Variants in ZMAT1 observed in about 807,000 individuals in gnomAD.
ZMAT1 encodes zinc finger matrin-type 1.
In ZMAT1, 11 loss-of-function variants were observed where a neutral mutation model predicts 18.5. The observed-to-expected ratio is 0.59, with a 90% confidence interval of 0.37 to 0.98. The LOEUF is 0.98. ZMAT1 is among the 50% of genes least tolerant of loss of function. The probability of loss-of-function intolerance (pLI) is 0.01; values close to 1 mark genes in which losing one functional copy is unlikely to be tolerated. For missense variants in ZMAT1, 525 were observed against 496.2 expected (o/e 1.06, Z -0.55); for synonymous variants, 211 against 176.4 (o/e 1.20, Z -1.55).
intron 5 of ZMAT1, among the ~76,000 whole-genome samples, chrX:101,885,057 C>A (rs977866010): frequency 1.8e-5 from 2 of 110,663 alleles, no homozygotes; most frequent in African/African-American, 6.6e-5. Context: ...TCTATGCCCC[C>A]CAAAAAGGAG....
chrX:101,884,731 T>C lies in ZMAT1; in HGVS notation c.867A>G (p.Lys289=), dbSNP rs768367195. ...NECADYINVQ[K]ARGLEAKTCF... ...AAGTCTTGGCCTCTAGTCCTCTGGCTTTCTGCACATTGATGTAATCTGCAC... is the reference window on the plus strand; with the variant it reads ...AAGTCTTGGCCTCTAGTCCTCTGGCCTTCTGCACATTGATGTAATCTGCAC... The change falls in exon 6 of 6, where the codon AAA becomes AAG. Residue 289 remains lysine (K), a synonymous_variant. Transcript: ENST00000651725. 8.3e-7 allele frequency: 1 copy of C among 1,210,685 alleles called. No individual in the cohort carries two copies. Among genetic ancestry groups the C allele is most frequent in the Non-Finnish European group, 1.1e-6 (1 of 894,621 alleles).
chrX:101,904,387 AT>A, intron 1 of ZMAT1, 57 bp from the exon 2 acceptor site: 1 of 891,702 alleles, frequency 1.1e-6, no homozygotes, highest in Non-Finnish European at 1.6e-6. Flanking sequence ...TAGAGGTATC[AT>A]TTTTCATTCC....
chrX:101,920,009 G>A (rs1251972790), intron 1 of ZMAT1, among the ~76,000 whole-genome samples: 2 of 106,385 alleles, frequency 1.9e-5, no homozygotes, highest in Non-Finnish European at 3.9e-5. Flanking sequence ...TTTAGAACTT[G>A]CTATGAATAC....
chrX:101,926,134 G>C (rs1930038704), intron 1 of ZMAT1, among the ~76,000 whole-genome samples: 1 of 112,016 alleles, frequency 8.9e-6, no homozygotes, highest in Admixed American at 9.5e-5. Context: ...TCTGGGAAGA[G>C]ACAATAGTAA....
rs778402801 is a variant in ZMAT1, at chrX:101,883,854, T to C, written c.1744A>G (p.Asn582Asp). ...CCTGCTTGATGGTCAGCAGTATTGTTTTCTGAAGAGAGGTGCTTGTAAACT... is the reference window on the plus strand; with the variant it reads ...CCTGCTTGATGGTCAGCAGTATTGTCTTCTGAAGAGAGGTGCTTGTAAACT... ...SEVYKHLSSE[N>D]NTADHQAGHK... The change falls in exon 6 of 6, where the codon AAC becomes GAC. Residue 582 changes from asparagine to aspartate, a missense_variant. Physicochemically the swap from Asn to Asp is conservative, Grantham distance 23. Coordinates refer to ENST00000651725, the MANE Select transcript of ZMAT1 (RefSeq NM_001394560.1). 8.3e-6 allele frequency: 10 copies of C among 1,208,428 alleles called. No homozygotes were observed. The highest frequency in any genetic ancestry group is 1.1e-5 in the Non-Finnish European group (10 of 894,716).
At chrX:101,902,824 C>G (rs939917244) in intron 2 of ZMAT1, among the ~76,000 whole-genome samples, 2 of 111,500 alleles carry the variant, frequency 1.8e-5, no homozygotes, top group Non-Finnish European at 3.8e-5. Flanking sequence ...TTAATAAATA[C>G]AACCTCATTA....
chrX:101,913,930 C>A (rs183232568), intron 1 of ZMAT1, among the ~76,000 whole-genome samples: 1 of 111,846 alleles, frequency 8.9e-6, no homozygotes, highest in East Asian at 2.8e-4. Context: ...CAAGAATAGA[C>A]CATATGTTAG....
Position 101,883,212 on chromosome X carries a change from G to A in ZMAT1, c.*298C>T, listed in dbSNP as rs879200657. The A allele has an allele frequency of 5.5e-6, 1 of 183,438 alleles. No homozygotes were observed. The highest frequency in any genetic ancestry group is 1.0e-4 in the East Asian group (1 of 9,830). 15.1% of individuals were successfully genotyped at this position (183,438 alleles called of 1,213,427 possible). A position where few individuals can be genotyped will look rare whatever the true frequency, so the allele number is the denominator to read the frequency against. ...AATCCTTGGGCAAACAAAACTAAAA[G>A]TTCAATACCCAAGAATAGACTCATT... is the stretch of plus-strand genomic sequence containing the variant. On this transcript the variant is annotated 3_prime_UTR_variant, in exon 6 of 6. Transcript: ENST00000651725.
chrX:101,901,427 A>G (rs952411912), intron 2 of ZMAT1, among the ~76,000 whole-genome samples: 3 of 111,135 alleles, frequency 2.7e-5, no homozygotes, highest in African/African-American at 9.8e-5. Context: ...CCTATTCAGT[A>G]TTATATTAGC....
At chrX:101,922,697 G>A (rs754324155) in intron 1 of ZMAT1, among the ~76,000 whole-genome samples, 1 of 111,196 alleles carries the variant, frequency 9.0e-6, no homozygotes, top group African/African-American at 3.3e-5. Context: ...AAAGAGACTT[G>A]ATCTCCAGGC....
chrX:101,895,709 C>A, intron 4 of ZMAT1: 1 of 193,274 alleles, frequency 5.2e-6, no homozygotes, highest in Non-Finnish European at 7.8e-6. Context: ...TGAGTCATTA[C>A]TGGACTATTA....
chrX:101,902,588 C>T (rs1279937316), intron 2 of ZMAT1, among the ~76,000 whole-genome samples: 1 of 111,193 alleles, frequency 9.0e-6, no homozygotes, highest in Non-Finnish European at 1.9e-5. Flanking sequence ...AGAGGTGCCA[C>T]TACAAATCAA....
Position 101,931,875 on chromosome X carries a change from ACTGCCGCCG to A in ZMAT1, c.125_133del (p.Ala42_Ala44del). 3 of 795,456 alleles carry A rather than the reference ACTGCCGCCG, an allele frequency of 3.8e-6. No homozygotes were observed. The highest frequency in any genetic ancestry group is 4.5e-6 in the Non-Finnish European group (3 of 669,808). The allele number at this position is 795,456 out of a possible 1,213,427, so 65.6% of individuals were successfully genotyped here. A position where few individuals can be genotyped will look rare whatever the true frequency, so the allele number is the denominator to read the frequency against. ...GGTGGCGGAGGAGGCAGGAACAATTACTGCCGCCGCCGCCGCCGCCGCCGCCGCTGCCGC... is the reference window on the plus strand; with the variant it reads ...GGTGGCGGAGGAGGCAGGAACAATTACCGCCGCCGCCGCCGCCGCTGCCGC... On this transcript the variant is annotated inframe_deletion, in exon 1 of 6. Coordinates refer to ENST00000651725, the MANE Select transcript of ZMAT1 (RefSeq NM_001394560.1).
At chrX:101,913,879 C>T (rs890030630) in intron 1 of ZMAT1, among the ~76,000 whole-genome samples, 6 of 111,683 alleles carry the variant, frequency 5.4e-5, no homozygotes, top group African/African-American at 2.0e-4. Context: ...ATGCAACAAC[C>T]GCAGAATACA....
rs1259966362 is a variant in ZMAT1, at chrX:101,897,867, C to T, written c.676+1G>A. The T allele has an allele frequency of 8.3e-7, 1 of 1,207,981 alleles. No individual in the cohort carries two copies. The highest frequency in any genetic ancestry group is 1.8e-5 in the South Asian group (1 of 56,421). ...AGATCAAGAGGTGAATGGAACCTTA[C>T]CCATCTCTGGTTGAAATCCTGATGG... On this transcript the variant is annotated splice_donor_variant, in intron 4 of 5. Transcript: ENST00000651725. LOFTEE classifies it high-confidence loss of function.
chrX:101,924,332 G>A (rs1001848100), intron 1 of ZMAT1, among the ~76,000 whole-genome samples: 5 of 111,198 alleles, frequency 4.5e-5, no homozygotes, highest in African/African-American at 9.8e-5. Flanking sequence ...GGCTGGTCTC[G>A]AACTCTTGAC....
At chrX:101,927,626 A>C in intron 1 of ZMAT1, among the ~76,000 whole-genome samples, 1 of 112,185 alleles carries the variant, frequency 8.9e-6, no homozygotes, top group Non-Finnish European at 1.9e-5. Context: ...AATCATAAGC[A>C]CTTTGTAGCT....
At chrX:101,921,282 C>A (rs1929707394) in intron 1 of ZMAT1, among the ~76,000 whole-genome samples, 1 of 111,896 alleles carries the variant, frequency 8.9e-6, no homozygotes, top group African/African-American at 3.2e-5. Flanking sequence ...GGTTCCCAGT[C>A]ATATTTTATT....
intron 1 of ZMAT1, among the ~76,000 whole-genome samples, chrX:101,911,004 G>C (rs952568563): frequency 4.5e-5 from 5 of 110,350 alleles, no homozygotes; most frequent in African/African-American, 1.7e-4. Context: ...CAAAGGTCAA[G>C]AATAAAGAAA....
Sources: gnomAD v4.1 joint callset for allele counts (sites outside exome capture counted in the v4.1 genomes callset) on GRCh38, gnomAD v4.1.1 for gene constraint, MANE v1.5 for transcripts, NCBI Gene and HGNC (gene_info 2026-07-23, HGNC 2026-07-21) for gene names.